The following PTCHD4 variants were observed in gnomAD, a reference collection of about 807,000 sequenced individuals.
PTCHD4 encodes the protein patched domain containing 4.
Under a neutral mutation model 58.1 loss-of-function variants are expected in PTCHD4, and 33 were observed. That is an observed-to-expected ratio of 0.57 (90% CI 0.43 to 0.76). The LOEUF is 0.76. Among genes scored for constraint, PTCHD4 ranks in the 30% least tolerant of loss-of-function variants. The pLI is 0.00. For missense variants in PTCHD4, 1,058 were observed against 1,027.1 expected (o/e 1.03, Z -0.41); for synonymous variants, 478 against 409.6 (o/e 1.17, Z -2.02).
At chr6:48,096,299 A>G (rs1765468487) in intron 1 of PTCHD4, among the ~76,000 whole-genome samples, 2 of 152,228 alleles carry the variant, frequency 1.3e-5, no homozygotes, top group South Asian at 4.1e-4. Context: ...GGGACACAGT[A>G]AATGGGGATG....
intron 1 of PTCHD4, among the ~76,000 whole-genome samples, chr6:48,087,859 T>C (rs1330960135): frequency 6.6e-6 from 1 of 152,228 alleles, no homozygotes; most frequent in Non-Finnish European, 1.5e-5. Context: ...TATCTATGTA[T>C]ATTTAGTCTT....
rs1208611108 is a variant in PTCHD4, at chr6:48,025,028, C to T, written c.418-15914G>A. Among the ~76,000 whole-genome samples, 2 of 152,142 alleles carry T rather than the reference C, an allele frequency of 1.3e-5. 1 individual carries two copies. The highest frequency in any genetic ancestry group is 2.9e-5 in the Non-Finnish European group (2 of 68,024). On this transcript the variant is annotated intron_variant, in intron 3 of 4. Transcript: ENST00000339488. Reference sequence around the variant, plus strand: ...CTGGATTGCTAGAGAAACATAACCTCATCAAAATAATTTGCAGCAAACTTT... The same window carrying T: ...CTGGATTGCTAGAGAAACATAACCTTATCAAAATAATTTGCAGCAAACTTT...
chr6:47,983,440 C>A (rs1421513681), intron 4 of PTCHD4, among the ~76,000 whole-genome samples: 5 of 151,960 alleles, frequency 3.3e-5, no homozygotes, highest in African/African-American at 9.7e-5. Flanking sequence ...GACAAACATT[C>A]TGAGAACATT....
chr6:47,951,729 G>A (rs573894862), intron 4 of PTCHD4, among the ~76,000 whole-genome samples: 3 of 151,768 alleles, frequency 2.0e-5, no homozygotes, highest in Non-Finnish European at 4.4e-5. Flanking sequence ...CAGCTTGCCA[G>A]AAAACAGAAG....
At chr6:48,053,610 T>A (rs1483335642) in intron 3 of PTCHD4, among the ~76,000 whole-genome samples, 2 of 152,216 alleles carry the variant, frequency 1.3e-5, no homozygotes, top group African/African-American at 4.8e-5. Flanking sequence ...ATATTTACCA[T>A]GAGTCTACAT....
intron 3 of PTCHD4, among the ~76,000 whole-genome samples, chr6:48,067,378 C>T (rs1021159780): frequency 6.6e-6 from 1 of 152,026 alleles, no homozygotes; most frequent in Non-Finnish European, 1.5e-5. Context: ...TGTTATAAGG[C>T]TGTTGTAATA....
chr6:47,949,101 A>T (rs1376151098), intron 4 of PTCHD4, among the ~76,000 whole-genome samples: 6 of 152,204 alleles, frequency 3.9e-5, no homozygotes, highest in Non-Finnish European at 8.8e-5. Flanking sequence ...CACGAAGAGG[A>T]TATGAAGATA....
chr6:47,916,047 A>G (rs188013325), intron 4 of PTCHD4, among the ~76,000 whole-genome samples: 18 of 152,202 alleles, frequency 1.2e-4, no homozygotes, highest in Non-Finnish European at 2.1e-4. Context: ...CATGCCCTGA[A>G]GCTGTGAGTG....
chr6:47,924,129 G>C (rs1765520067), intron 4 of PTCHD4, among the ~76,000 whole-genome samples: 1 of 152,020 alleles, frequency 6.6e-6, no homozygotes, highest in South Asian at 2.1e-4. Context: ...TCACTATCTT[G>C]GTCAAAGTCA....
chr6:48,026,121 T>G (rs1177822780), intron 3 of PTCHD4, among the ~76,000 whole-genome samples: 1 of 152,170 alleles, frequency 6.6e-6, no homozygotes, highest in Non-Finnish European at 1.5e-5. Context: ...ATGAGATATG[T>G]GTGTTAGAAG....
intron 1 of PTCHD4, among the ~76,000 whole-genome samples, chr6:48,082,081 T>G (rs1466063830): frequency 6.6e-6 from 1 of 152,168 alleles, no homozygotes; most frequent in African/African-American, 2.4e-5. Flanking sequence ...AACTGTCTAT[T>G]TCTTGACTTT....
chr6:47,865,192 A>G lies in PTCHD4; in HGVS notation c.*13111T>C, dbSNP rs906771753. 1.3e-5 allele frequency among the ~76,000 whole-genome samples: 2 copies of G among 151,940 alleles called. No individual in the cohort carries two copies. Among genetic ancestry groups the G allele is most frequent in the African/African-American group, 4.8e-5 (2 of 41,426 alleles). On this transcript the variant is annotated 3_prime_UTR_variant, in exon 5 of 5. Coordinates refer to ENST00000339488, the MANE Select transcript of PTCHD4 (RefSeq NM_001384253.1). ...AGTTATATATACCTGAGTATCCAGTAATTTTACATGGAAAAAAGTATAAAA... is the reference window on the plus strand; with the variant it reads ...AGTTATATATACCTGAGTATCCAGTGATTTTACATGGAAAAAAGTATAAAA...
In PTCHD4 at chr6:47,867,218, T is replaced by C. The variant is rs1048297942; in HGVS notation, c.*11085A>G. 2.0e-5 allele frequency among the ~76,000 whole-genome samples: 3 copies of C among 151,782 alleles called. No individual in the cohort carries two copies. Among genetic ancestry groups the C allele is most frequent in the African/African-American group, 7.3e-5 (3 of 41,366 alleles). ...GAGAGTTTGGGTTCCCAGCAATCCA[T>C]GTCAGTCTCTTACTCTCACACTTTG... is the stretch of plus-strand genomic sequence containing the variant. On this transcript the variant is annotated 3_prime_UTR_variant, in exon 5 of 5. Transcript: ENST00000339488.
At chr6:47,976,680 A>AAATAAAT (rs1388778808) in intron 4 of PTCHD4, among the ~76,000 whole-genome samples, 3 of 150,600 alleles carry the variant, frequency 2.0e-5, no homozygotes, top group African/African-American at 7.3e-5. Context: ...ATAAATAAAT[A>AAATAAAT]AATAAATAAA....
chr6:47,884,953 T>A (rs965952156), intron 4 of PTCHD4, among the ~76,000 whole-genome samples: 1 of 152,196 alleles, frequency 6.6e-6, no homozygotes, highest in African/African-American at 2.4e-5. Context: ...AATTGTTATT[T>A]TTTTTCCCTC....
intron 4 of PTCHD4, among the ~76,000 whole-genome samples, chr6:47,920,619 T>G (rs1387671042): frequency 6.6e-6 from 1 of 152,272 alleles, no homozygotes; most frequent in East Asian, 1.9e-4. Flanking sequence ...AATTGGTTGT[T>G]TCTCATAAGC....
rs79341296 is a variant in PTCHD4 at position 48,078,075 on chromosome 6, G to A, written c.-969-8149C>T. On this transcript the variant is annotated intron_variant, in intron 1 of 4. Transcript: ENST00000339488. The stretch of plus-strand genomic sequence containing the variant: ...CACAATATCTGCAAAGCACAATAAA[G>A]TGAAGTGCAATAATATGAAGTGTGC... 8.7e-3 allele frequency among the ~76,000 whole-genome samples: 1,323 copies of A among 152,300 alleles called. 10 individuals are homozygous for A. The highest frequency in any genetic ancestry group is 0.015 in the Non-Finnish European group (1,051 of 68,022).
intron 4 of PTCHD4, among the ~76,000 whole-genome samples, chr6:47,881,159 T>A (rs1456350593): frequency 6.6e-6 from 1 of 152,194 alleles, no homozygotes; most frequent in Non-Finnish European, 1.5e-5. Context: ...GAAAAAGGAC[T>A]TAAATGTGGC....
chr6:48,015,886 A>AAGATATATAT (rs1762849784), intron 3 of PTCHD4, among the ~76,000 whole-genome samples: 1 of 151,960 alleles, frequency 6.6e-6, no homozygotes, highest in East Asian at 1.9e-4. Flanking sequence ...AATTCACCTT[A>AAGATATATAT]AGATATATAT....
Sources: allele counts gnomAD v4.1 joint callset (sites outside exome capture counted in the v4.1 genomes callset), GRCh38; gene constraint gnomAD v4.1.1; transcripts MANE v1.5; gene names NCBI Gene and HGNC (gene_info 2026-07-23, HGNC 2026-07-21).